MAPK10: variants seen among roughly 807,000 people sequenced by gnomAD.
MAPK10 encodes the protein mitogen-activated protein kinase 10, also known as JNK3 alpha protein kinase.
Under a neutral mutation model 59.3 loss-of-function variants are expected in MAPK10, and 25 were observed. The ratio of observed to expected loss-of-function variants is 0.42; its 90% CI spans 0.31 to 0.59. MAPK10 has a LOEUF of 0.59. MAPK10 is among the 20% of genes least tolerant of loss of function. MAPK10 has a pLI of 0.15. For missense variants in MAPK10, 351 were observed against 568.9 expected, an observed-to-expected ratio of 0.62 and a Z score of 3.90; for synonymous variants, 190 against 200.5, an observed-to-expected ratio of 0.95 and a Z score of 0.44.
intron 1 of MAPK10, among the ~76,000 whole-genome samples, chr4:86,420,003 T>C (rs1328762868): frequency 6.6e-6 from 1 of 152,194 alleles, no homozygotes; most frequent in African/African-American, 2.4e-5. Context: ...AAATCCTGAA[T>C]GTCAGTGAAT....
intron 2 of MAPK10, among the ~76,000 whole-genome samples, chr4:86,311,843 AC>A (rs1252553499): frequency 6.6e-6 from 1 of 152,142 alleles, no homozygotes; most frequent in Non-Finnish European, 1.5e-5. Context: ...TTCATAAGAA[AC>A]AAATAGAAAG....
chr4:86,407,096 C>T (rs1744456888), intron 1 of MAPK10, among the ~76,000 whole-genome samples: 1 of 152,108 alleles, frequency 6.6e-6, no homozygotes, highest in African/African-American at 2.4e-5. Context: ...GGTGCATCTG[C>T]CATACAAGGT....
intron 9 of MAPK10, among the ~76,000 whole-genome samples, chr4:86,074,693 C>A (rs1561351256): frequency 1.4e-5 from 2 of 144,830 alleles, no homozygotes; most frequent in East Asian, 3.9e-4. Context: ...GTTGAAAATT[C>A]TTTTCTTTAA....
intron 2 of MAPK10, among the ~76,000 whole-genome samples, chr4:86,213,306 A>C (rs192063266): frequency 3.3e-5 from 5 of 152,244 alleles, no homozygotes; most frequent in Admixed American, 6.5e-5. Context: ...GAAAAAGAAG[A>C]ACATATTAAA....
chr4:86,336,647 C>A lies in MAPK10; in HGVS notation c.-7+17883G>T, dbSNP rs186509395. 7 of 152,282 alleles carry A rather than the reference C, an allele frequency of 4.6e-5. No homozygotes were observed. In the East Asian group the frequency reaches 1.4e-3, roughly 29 times the overall value. 9.4% of individuals were successfully genotyped at this position (152,282 alleles called of 1,614,324 possible). On this transcript the variant is annotated intron_variant, in intron 2 of 13. Transcript: ENST00000641462. ...TGAAACTGAAACCCTCCACCACACT[C>A]TCTATTCCATATTTCTGCTCAACAT...
rs552983043 is a variant in MAPK10 at position 86,059,802 on chromosome 4, A to T, written c.1110+4464T>A. 3.9e-5 allele frequency among the ~76,000 whole-genome samples: 6 copies of T among 152,208 alleles called. No individual in the cohort carries two copies. In the East Asian group the frequency reaches 1.2e-3, roughly 29 times the overall value. On this transcript the variant is annotated intron_variant, in intron 11 of 13. Transcript: ENST00000641462. ...TGCCCGCTCTCTCTCTGTGGTCTAC[A>T]TTATAGCTGGAGTACAATTTCCAGG... is the stretch of plus-strand genomic sequence containing the variant.
intron 1 of MAPK10, among the ~76,000 whole-genome samples, chr4:86,585,505 A>C (rs1385076848): frequency 2.6e-5 from 4 of 152,252 alleles, no homozygotes. Context: ...ATCGATGGTC[A>C]AAAGGCCTTG....
Position 86,173,063 on chromosome 4 carries a change from A to G in MAPK10, c.67-13596T>C, listed in dbSNP as rs556170517. Among the ~76,000 whole-genome samples the G allele has an allele frequency of 2.8e-3, 426 of 152,294 alleles. 2 individuals are homozygous for G. Among genetic ancestry groups the G allele is most frequent in the Admixed American group, 4.7e-3 (72 of 15,280 alleles). ...CTGCCCAAAGTAATTTATAGATTCA[A>G]TGCTATTCCCATCAAAGTATGATTG... is the stretch of plus-strand genomic sequence containing the variant. On this transcript the variant is annotated intron_variant, in intron 3 of 13. Transcript: ENST00000641462.
At chr4:86,552,973 GT>G (rs1276173409) in intron 1 of MAPK10, among the ~76,000 whole-genome samples, 1 of 152,120 alleles carries the variant, frequency 6.6e-6, no homozygotes, top group Non-Finnish European at 1.5e-5. Context: ...CATGCTGCCT[GT>G]TGTCCTATGA....
intron 1 of MAPK10, among the ~76,000 whole-genome samples, chr4:86,471,275 CAAAAAAAA>C (rs60423060): frequency 1.0e-5 from 1 of 96,876 alleles, no homozygotes; most frequent in Non-Finnish European, 2.1e-5. Flanking sequence ...TGCCCCCCTG[CAAAAAAAA>C]AAAAAAAAAA....
intron 2 of MAPK10, among the ~76,000 whole-genome samples, chr4:86,243,816 A>G (rs890878944): frequency 4.7e-5 from 7 of 148,790 alleles, no homozygotes; most frequent in Admixed American, 6.8e-5. Context: ...CTGTAAAAGT[A>G]CACTTAACTT....
chr4:86,132,100 A>G (rs2061109785), intron 4 of MAPK10, among the ~76,000 whole-genome samples: 1 of 152,208 alleles, frequency 6.6e-6, no homozygotes, highest in Non-Finnish European at 1.5e-5. Flanking sequence ...TCATACATAT[A>G]TGAAACTTGG....
chr4:86,458,166 G>A (rs970023821), upstream of MAPK10, among the ~76,000 whole-genome samples: 3 of 152,116 alleles, frequency 2.0e-5, no homozygotes, highest in African/African-American at 7.2e-5. Flanking sequence ...CAGGCATGGT[G>A]GCATATGCCT....
intron 3 of MAPK10, chr4:86,192,010 T>C (rs1019771048): frequency 1.3e-5 from 2 of 152,186 alleles, no homozygotes; most frequent in Non-Finnish European, 2.9e-5. Flanking sequence ...TAAAGAATTT[T>C]ATTTCTCCTT....
intron 4 of MAPK10, among the ~76,000 whole-genome samples, chr4:86,157,951 T>C (rs2068338845): frequency 6.6e-6 from 1 of 151,930 alleles, no homozygotes; most frequent in African/African-American, 2.4e-5. Context: ...GCACCTGGAC[T>C]GAGAATCTTA....
rs1176679155 is a variant in MAPK10 at position 86,017,562 on chromosome 4, C to T, written c.1253-192G>A. Among the ~76,000 whole-genome samples the T allele has an allele frequency of 2.0e-5, 3 of 152,108 alleles. No homozygotes were observed. The highest frequency in any genetic ancestry group is 1.9e-4 in the East Asian group (1 of 5,188). On this transcript the variant is annotated intron_variant, in intron 13 of 13. Coordinates refer to ENST00000641462, the MANE Select transcript of MAPK10 (RefSeq NM_138982.4). This position sits in a 1 kb window ranked among gnomAD's most constrained non-coding sequence, Gnocchi z 4.4. Reference sequence around the variant, plus strand: ...CAATCAAGACATAGCAATAAAAAGTCCTTCATCACAAGTTATCAAATCTCA... The same window carrying T: ...CAATCAAGACATAGCAATAAAAAGTTCTTCATCACAAGTTATCAAATCTCA...
intron 2 of MAPK10, among the ~76,000 whole-genome samples, chr4:86,351,424 C>CACAT (rs1564637514): frequency 6.7e-6 from 1 of 150,036 alleles, no homozygotes; most frequent in Non-Finnish European, 1.5e-5. Flanking sequence ...CACACACACA[C>CACAT]ACACATTTTA....
chr4:86,379,341 A>G (rs1289194680), intron 1 of MAPK10, among the ~76,000 whole-genome samples: 1 of 152,192 alleles, frequency 6.6e-6, no homozygotes, highest in Non-Finnish European at 1.5e-5. Context: ...GAACACAAAA[A>G]CAGGAAAACA....
At chr4:86,585,450 G>T (rs1480041094) in intron 1 of MAPK10, among the ~76,000 whole-genome samples, 1 of 152,154 alleles carries the variant, frequency 6.6e-6, no homozygotes. Flanking sequence ...TTGCATTATG[G>T]AAAGTGTTTA....
Sources: allele counts gnomAD v4.1 joint callset (sites outside exome capture counted in the v4.1 genomes callset), GRCh38; gene constraint gnomAD v4.1.1; non-coding constraint Gnocchi (gnomAD v3.1); transcripts MANE v1.5; gene names NCBI Gene and HGNC (gene_info 2026-07-23, HGNC 2026-07-21).